Variants in GRAMD1B observed in about 807,000 individuals in gnomAD.
GRAMD1B encodes the protein GRAM domain containing 1B.
In GRAMD1B, 37 loss-of-function variants were observed where a neutral mutation model predicts 99.7. The observed-to-expected ratio is 0.37, with a 90% CI of 0.29 to 0.49. GRAMD1B has a LOEUF of 0.49. Among genes scored for constraint, GRAMD1B ranks in the 20% least tolerant of loss-of-function variants. The probability of loss-of-function intolerance (pLI) is 0.98; values close to 1 mark genes in which losing one functional copy is unlikely to be tolerated. For synonymous variants in GRAMD1B, 427 were observed against 387.6 expected (o/e 1.10, Z -1.19); for missense variants, 888 against 1,009.2 (o/e 0.88, Z 1.63).
intron 2 of GRAMD1B, among the ~76,000 whole-genome samples, chr11:123,565,881 A>C (rs1232788863): frequency 6.6e-6 from 1 of 152,224 alleles, no homozygotes; most frequent in Admixed American, 6.5e-5. Context: ...AAATTATACA[A>C]CACCAGTAAG....
chr11:123,368,258 CA>C (rs1024340450), intron 1 of GRAMD1B, among the ~76,000 whole-genome samples: 354 of 88,316 alleles, frequency 4.0e-3, no homozygotes, highest in East Asian at 0.012. Context: ...CATCTTAAAA[CA>C]AAAAAAAAAA....
intron 1 of GRAMD1B, among the ~76,000 whole-genome samples, chr11:123,416,936 A>C (rs1948250874): frequency 6.6e-6 from 1 of 152,260 alleles, no homozygotes; most frequent in South Asian, 2.1e-4. Flanking sequence ...TGAGAGATGA[A>C]TGAACTTGCT....
intron 2 of GRAMD1B, among the ~76,000 whole-genome samples, chr11:123,557,753 T>A (rs1946306231): frequency 1.3e-5 from 2 of 152,170 alleles, no homozygotes; most frequent in African/African-American, 4.8e-5. Context: ...TGACATACGG[T>A]TTTAACCCAT....
At chr11:123,360,835 C>T (rs1165160879) in intron 1 of GRAMD1B, among the ~76,000 whole-genome samples, 1 of 115,570 alleles carries the variant, frequency 8.7e-6, no homozygotes, top group Non-Finnish European at 1.7e-5. Flanking sequence ...TTCCTTCCTT[C>T]CATGGAGTTT....
exon 1 of GRAMD1B, chr11:123,358,527 C>G (rs572475435): frequency 6.6e-6 from 1 of 152,152 alleles, no homozygotes; most frequent in African/African-American, 2.4e-5. Flanking sequence ...TGGGCGCAGC[C>G]GGCCGTCCCG....
intron 2 of GRAMD1B, among the ~76,000 whole-genome samples, chr11:123,538,919 G>A (rs571945349): frequency 4.6e-5 from 7 of 151,402 alleles, no homozygotes; most frequent in African/African-American, 1.2e-4. Context: ...GTGAGCCACC[G>A]CGCCCAGTTC....
At chr11:123,484,502 G>A (rs997251182) in intron 2 of GRAMD1B, among the ~76,000 whole-genome samples, 5 of 152,074 alleles carry the variant, frequency 3.3e-5, no homozygotes, top group East Asian at 3.9e-4. Flanking sequence ...AAACTCTCTC[G>A]ATTTCTTCCC....
chr11:123,370,531 A>G (rs1278018674), intron 1 of GRAMD1B, among the ~76,000 whole-genome samples: 2 of 151,502 alleles, frequency 1.3e-5, no homozygotes, highest in East Asian at 3.9e-4. Flanking sequence ...TGCTAGAGAC[A>G]GGGGTCTCAT....
chr11:123,609,035 C>T (rs895517700), intron 12 of GRAMD1B, among the ~76,000 whole-genome samples: 1 of 152,064 alleles, frequency 6.6e-6, no homozygotes, highest in African/African-American at 2.4e-5. Context: ...CACTACACAC[C>T]AGGCACTCGA....
rs907129914 is a variant in GRAMD1B, at chr11:123,402,985, A to G, written c.-176+44186A>G. Among the ~76,000 whole-genome samples, 6 of 145,028 alleles carry G rather than the reference A, an allele frequency of 4.1e-5. No homozygotes were observed. In the East Asian group the frequency reaches 9.9e-4, roughly 24 times the overall value. On this transcript the variant is annotated intron_variant, in intron 1 of 20. Transcript: ENST00000638157. ...TAAAAATCTTTTTTTTTTTTAAACC[A>G]TCTTACTGTAAAATAAAACATAGAT...
chr11:123,427,831 T>C (rs1948707933), upstream of GRAMD1B, among the ~76,000 whole-genome samples: 1 of 152,196 alleles, frequency 6.6e-6, no homozygotes, highest in Non-Finnish European at 1.5e-5. Context: ...AAATGATCAC[T>C]CTTAGCCACT....
At chr11:123,570,524 A>G (rs959625404) in intron 2 of GRAMD1B, among the ~76,000 whole-genome samples, 12 of 150,908 alleles carry the variant, frequency 8.0e-5, no homozygotes, top group Non-Finnish European at 1.8e-4. Flanking sequence ...CCTGGGTTCA[A>G]CTGATTGTCT....
intron 1 of GRAMD1B, among the ~76,000 whole-genome samples, chr11:123,412,563 C>T (rs1027817423): frequency 1.8e-4 from 28 of 152,180 alleles, no homozygotes; most frequent in African/African-American, 6.5e-4. Flanking sequence ...CTCCAAACTA[C>T]AACACTCTTA....
chr11:123,588,600 A>G (rs1235056377), intron 4 of GRAMD1B, among the ~76,000 whole-genome samples: 1 of 152,120 alleles, frequency 6.6e-6, no homozygotes, highest in Non-Finnish European at 1.5e-5. Context: ...ACCTTGGAAA[A>G]TGGACTTGCT....
chr11:123,372,417 G>A (rs954123165), intron 1 of GRAMD1B, among the ~76,000 whole-genome samples: 1 of 152,198 alleles, frequency 6.6e-6, no homozygotes, highest in Admixed American at 6.5e-5. Context: ...TCCAGGTTCA[G>A]AAAACTGTCT....
chr11:123,397,534 C>G (rs1333016710), intron 1 of GRAMD1B, among the ~76,000 whole-genome samples: 1 of 152,202 alleles, frequency 6.6e-6, no homozygotes, highest in Non-Finnish European at 1.5e-5. Flanking sequence ...TTGTTTGAGA[C>G]AGGCTCTCAC....
intron 2 of GRAMD1B, among the ~76,000 whole-genome samples, chr11:123,486,758 C>CTTACCTTTA (rs1937847053): frequency 1.3e-5 from 2 of 152,036 alleles, no homozygotes; most frequent in African/African-American, 4.8e-5. Flanking sequence ...AGAAATTATG[C>CTTACCTTTA]GTAAGGTAAT....
intron 1 of GRAMD1B, among the ~76,000 whole-genome samples, chr11:123,399,441 T>C (rs111409045): frequency 1.3e-4 from 20 of 152,336 alleles, no homozygotes; most frequent in African/African-American, 4.8e-4. Context: ...TTTCTTTGGA[T>C]AAATACCCGG....
At chr11:123,538,873 C>T (rs1254269467) in intron 2 of GRAMD1B, among the ~76,000 whole-genome samples, 1 of 152,102 alleles carries the variant, frequency 6.6e-6, no homozygotes, top group African/African-American at 2.4e-5. Context: ...AGGTGATCCA[C>T]CCACCTCAGC....
Sources: gnomAD v4.1 joint callset for allele counts (sites outside exome capture counted in the v4.1 genomes callset) on GRCh38, gnomAD v4.1.1 for gene constraint, MANE v1.5 for transcripts, NCBI Gene and HGNC (gene_info 2026-07-23, HGNC 2026-07-21) for gene names.